Variants in AFF3 observed in about 807,000 individuals in gnomAD.
AFF3 encodes the protein ALF transcription elongation factor 3, also known as AF4/FMR2 family member 3.
Under a neutral mutation model 129.7 loss-of-function variants are expected in AFF3, and 32 were observed. The observed-to-expected ratio is 0.25, with a 90% CI of 0.19 to 0.33. The LOEUF (loss-of-function observed/expected upper bound fraction) is 0.33. AFF3 is among the 10% of genes least tolerant of loss of function. The pLI is 1.00. For missense variants in AFF3, 1,373 were observed against 1,592.0 expected (o/e 0.86, Z 2.34); for synonymous variants, 644 against 635.4 (o/e 1.01, Z -0.20).
intron 10 of AFF3, 130 bp downstream of exon 10, chr2:99,743,974 C>CCTTTCCCCAG: frequency 1.4e-6 from 1 of 714,896 alleles, no homozygotes; most frequent in Non-Finnish European, 2.2e-6. Flanking sequence ...ACAAATGGCC[C>CCTTTCCCCAG]CTTTCCCCAG....
chr2:99,873,940 C>T (rs145159417), intron 7 of AFF3, among the ~76,000 whole-genome samples: 67 of 151,782 alleles, frequency 4.4e-4, no homozygotes, highest in African/African-American at 1.5e-3. Context: ...TTTGGGAGGC[C>T]GAGGTGGGCA....
chr2:99,992,908 T>C (rs549793932), intron 7 of AFF3, among the ~76,000 whole-genome samples: 8 of 152,360 alleles, frequency 5.3e-5, no homozygotes, highest in African/African-American at 1.9e-4. Context: ...CCTAAAGCTA[T>C]AGCCAGGTGA....
chr2:100,092,320 C>G (rs565710053), intron 4 of AFF3, among the ~76,000 whole-genome samples: 1 of 151,904 alleles, frequency 6.6e-6, no homozygotes, highest in East Asian at 1.9e-4. Context: ...TGTCATGCCC[C>G]CAACAGCTCT....
At chr2:100,094,333 G>C (rs1055326558) in intron 4 of AFF3, among the ~76,000 whole-genome samples, 1 of 152,076 alleles carries the variant, frequency 6.6e-6, no homozygotes, top group African/African-American at 2.4e-5. Context: ...TGCAACTAGA[G>C]AGTCCCATCT....
chr2:99,727,090 T>A lies in AFF3; in HGVS notation c.1078A>T (p.Thr360Ser), dbSNP rs1558790676. 6.2e-7 allele frequency: 1 copy of A among 1,607,056 alleles called. No individual in the cohort carries two copies. The highest frequency in any genetic ancestry group is 8.5e-7 in the Non-Finnish European group (1 of 1,178,310). ...AAAGAAACTTACGATGTATTCGATG[T>A]GCCATTGTCTGGACTCTCTGGCTCT... is the stretch of plus-strand genomic sequence containing the variant. ...DAEPESPDNG[T>S]SNTSMLEDDL... Residue 360 changes from threonine to serine, a missense_variant, in exon 11 of 25, where the codon ACA (threonine) becomes TCA (serine). This residue lies in a region of AFF3 where 413 missense variants were observed against 424.4 expected (regional missense o/e 0.97). Transcript: ENST00000672756.
intron 7 of AFF3, among the ~76,000 whole-genome samples, chr2:99,989,360 C>A (rs771899744): frequency 6.6e-6 from 1 of 152,198 alleles, no homozygotes; most frequent in African/African-American, 2.4e-5. Context: ...ATCCAGGATA[C>A]CCACATTTCA....
At chr2:99,800,671 C>T (rs1434770184) in intron 8 of AFF3, among the ~76,000 whole-genome samples, 1 of 152,048 alleles carries the variant, frequency 6.6e-6, no homozygotes, top group Admixed American at 6.6e-5. Context: ...TGGATACAAC[C>T]CAAACGTCCT....
At chr2:100,004,193 T>C (rs55681051) in intron 7 of AFF3, among the ~76,000 whole-genome samples, 24,142 of 152,106 alleles carry the variant, frequency 0.16, 2,162 homozygotes, top group African/African-American at 0.2. Flanking sequence ...AGTCAAGTAA[T>C]AACCTTGCAG....
chr2:99,686,830 GGCAGCAT>G (rs1273651797), intron 11 of AFF3, among the ~76,000 whole-genome samples: 1 of 152,212 alleles, frequency 6.6e-6, no homozygotes. Context: ...ATCCACTCCA[GGCAGCAT>G]GGTCCCTAAA....
In AFF3 at chr2:99,786,012, G is replaced by A. The variant is rs113843312; in HGVS notation, c.922-33711C>T. ...GATCTGCCTGCCTTGACCTCCCAAA[G>A]TGCTTTAAGTGATTTAAGAAGAACT... On this transcript the variant is annotated intron_variant, in intron 8 of 24. Transcript: ENST00000672756. Among the ~76,000 whole-genome samples, 148 of 152,310 alleles carry A rather than the reference G, an allele frequency of 9.7e-4. 1 individual carries two copies. The highest frequency in any genetic ancestry group is 3.4e-3 in the African/African-American group (141 of 41,574).
At chr2:99,904,104 C>T (rs536750713) in intron 7 of AFF3, among the ~76,000 whole-genome samples, 11 of 152,188 alleles carry the variant, frequency 7.2e-5, no homozygotes, top group Non-Finnish European at 1.3e-4. Context: ...AAACTAGATA[C>T]GTCATTTCTG....
chr2:99,847,366 G>C (rs973361630), intron 7 of AFF3, among the ~76,000 whole-genome samples: 4 of 151,624 alleles, frequency 2.6e-5, no homozygotes, highest in Non-Finnish European at 4.4e-5. Flanking sequence ...AGGAGAAACG[G>C]GGTTTCGCCA....
intron 8 of AFF3, among the ~76,000 whole-genome samples, chr2:99,821,542 G>A (rs1055187026): frequency 2.0e-5 from 3 of 152,176 alleles, no homozygotes; most frequent in East Asian, 1.9e-4. Context: ...AAAAGTTTAC[G>A]AATTTTTGTT....
intron 7 of AFF3, among the ~76,000 whole-genome samples, chr2:99,865,260 A>G (rs1409611917): frequency 6.6e-6 from 1 of 152,212 alleles, no homozygotes; most frequent in East Asian, 1.9e-4. Context: ...CAACAGTTGG[A>G]CGATCTTAGC....
chr2:99,904,827 G>T (rs1396238830), intron 7 of AFF3, among the ~76,000 whole-genome samples: 1 of 152,062 alleles, frequency 6.6e-6, no homozygotes, highest in Non-Finnish European at 1.5e-5. Context: ...AACTAACATA[G>T]GTGGGTCCTC....
At chr2:99,655,157 G>A (rs11123790) in intron 12 of AFF3, among the ~76,000 whole-genome samples, 127,236 of 151,252 alleles carry the variant, frequency 0.84, 53,576 homozygotes, top group East Asian at 0.93. Flanking sequence ...GTCACAACAA[G>A]CAAAGCCCTT....
rs1685326755 is a variant in AFF3, at chr2:99,793,257, GC to G, written c.922-40957del. On this transcript the variant is annotated intron_variant, in intron 8 of 24. Transcript: ENST00000672756. ...AATGTGACACGCCTGCTCCCCTTTC[GC>G]CTTCCATCCTGACTATAAGCTTCGT... 2.6e-5 allele frequency among the ~76,000 whole-genome samples: 4 copies of G among 152,088 alleles called. No individual in the cohort carries two copies. The South Asian group carries it at 8.3e-4, about 32-fold the overall frequency.
intron 13 of AFF3, among the ~76,000 whole-genome samples, chr2:99,617,533 A>G (rs1410381406): frequency 1.3e-5 from 2 of 152,276 alleles, no homozygotes; most frequent in East Asian, 3.9e-4. Flanking sequence ...TATATTCTGG[A>G]TACAAGTTGT....
At chr2:99,598,980 G>T (rs548103218) in intron 14 of AFF3, among the ~76,000 whole-genome samples, 27 of 152,318 alleles carry the variant, frequency 1.8e-4, no homozygotes, top group African/African-American at 2.9e-4. Context: ...AAGAACGAAC[G>T]TGCAGCCTGG....
Sources: allele counts gnomAD v4.1 joint callset (sites outside exome capture counted in the v4.1 genomes callset), GRCh38; gene constraint gnomAD v4.1.1; regional missense constraint gnomAD v4.1.1; transcripts MANE v1.5; gene names NCBI Gene and HGNC (gene_info 2026-07-23, HGNC 2026-07-21).